FMNL3: variants seen among roughly 807,000 people sequenced by gnomAD.
FMNL3 encodes formin-like protein 3.
Under a neutral mutation model 119.6 loss-of-function variants are expected in FMNL3, and 57 were observed. The ratio of observed to expected loss-of-function variants is 0.48; its 90% CI spans 0.39 to 0.59. The LOEUF (loss-of-function observed/expected upper bound fraction) is 0.59, where lower values mean the gene tolerates loss of function less well. Among genes scored for constraint, FMNL3 ranks in the 20% least tolerant of loss-of-function variants. FMNL3 has a pLI of 0.00. For missense variants in FMNL3, 1,053 were observed against 1,323.5 expected, an observed-to-expected ratio of 0.80 and a Z score of 3.17; for synonymous variants, 491 against 507.3, an observed-to-expected ratio of 0.97 and a Z score of 0.43.
rs867919113 is a variant in FMNL3, at chr12:49,654,240, G to A, written c.1023C>T (p.Val341=). Residue 341 remains valine (V), a synonymous_variant, in exon 11 of 26, where the codon GTC becomes GTT. Transcript: ENST00000335154. ...VHSVEDMNFR[V]HLQYEFTKLG... ...GCTTGGTAAACTCATACTGCAGGTG[G>A]ACCCGGAAGTTCATGTCCTCCACCG... 1 of 1,614,128 alleles carries A rather than the reference G, an allele frequency of 6.2e-7. No homozygotes were observed. The highest frequency in any genetic ancestry group is 8.5e-7 in the Non-Finnish European group (1 of 1,180,030).
At position 49,643,291 on chromosome 12, in the gene FMNL3, C is replaced by A. The variant is rs750640824; in HGVS notation, c.*2524G>T. ...GGCCCCCCAAGCGGAGGAGGCGGAA[C>A]CCCTCAGAGTCAGGCTCTGAGCCCT... On this transcript the variant is annotated 3_prime_UTR_variant, in exon 26 of 26. Coordinates refer to ENST00000335154, the MANE Select transcript of FMNL3 (RefSeq NM_175736.5). The A allele has an allele frequency of 1.1e-5, 17 of 1,613,608 alleles. No homozygotes were observed. Among genetic ancestry groups the A allele is most frequent in the Non-Finnish European group, 1.4e-5 (17 of 1,179,874 alleles).
chr12:49,700,371 G>T (rs559659260), intron 1 of FMNL3, among the ~76,000 whole-genome samples: 1 of 130,866 alleles, frequency 7.6e-6, no homozygotes, highest in Non-Finnish European at 1.6e-5. Flanking sequence ...CAGCCTGGGC[G>T]ACAGAGTGAG....
chr12:49,684,339 C>T (rs1944407653), intron 1 of FMNL3, among the ~76,000 whole-genome samples: 1 of 152,156 alleles, frequency 6.6e-6, no homozygotes, highest in Non-Finnish European at 1.5e-5. Context: ...CGCCCTGCCA[C>T]AAAATAAGGC....
In FMNL3 at chr12:49,645,664, G is replaced by A. The variant is rs2138692727; in HGVS notation, c.*151C>T. 3.2e-6 allele frequency: 2 copies of A among 633,168 alleles called. No homozygotes were observed. The highest frequency in any genetic ancestry group is 5.3e-6 in the Non-Finnish European group (2 of 378,466). The allele number at this position is 633,168 out of a possible 1,614,324, so 39.2% of individuals were successfully genotyped here. Reference sequence around the variant, plus strand: ...GACCTACAGACCTAGTGCCCATAGTGGCACAAGTAGAAAGATCCAGCCTCA... The same window carrying A: ...GACCTACAGACCTAGTGCCCATAGTAGCACAAGTAGAAAGATCCAGCCTCA... On this transcript the variant is annotated 3_prime_UTR_variant, in exon 26 of 26. Transcript: ENST00000335154.
chr12:49,706,742 A>C (rs1399748142), intron 1 of FMNL3, among the ~76,000 whole-genome samples: 1 of 152,146 alleles, frequency 6.6e-6, no homozygotes, highest in Non-Finnish European at 1.5e-5. Flanking sequence ...CTGGCGAAGA[A>C]GCGGGGAAAC....
Position 49,642,813 on chromosome 12 carries a change from G to T in FMNL3, c.*3002C>A. Reference sequence around the variant, plus strand: ...GGAAGGGGAGGCCTGAGGATCCCTGGGATAGGCAGAAGGCTCTAGTCTGAG... The same window carrying T: ...GGAAGGGGAGGCCTGAGGATCCCTGTGATAGGCAGAAGGCTCTAGTCTGAG... On this transcript the variant is annotated 3_prime_UTR_variant, in exon 26 of 26. Transcript: ENST00000335154. The surrounding 1 kb of genome is among the most constrained non-coding windows in gnomAD (Gnocchi z 5.8). 7.0e-7 allele frequency: 1 copy of T among 1,428,608 alleles called. No homozygotes were observed. Among genetic ancestry groups the T allele is most frequent in the South Asian group, 1.2e-5 (1 of 80,562 alleles). The allele number at this position is 1,428,608 out of a possible 1,614,324, so 88.5% of individuals were successfully genotyped here.
At chr12:49,664,599 G>T (rs989481148) in intron 4 of FMNL3, among the ~76,000 whole-genome samples, 1 of 152,142 alleles carries the variant, frequency 6.6e-6, no homozygotes, top group Non-Finnish European at 1.5e-5. Context: ...GTCAGTGAAG[G>T]ACTGACCAAA....
At chr12:49,663,157 C>T (rs1204093690) in intron 4 of FMNL3, among the ~76,000 whole-genome samples, 1 of 152,228 alleles carries the variant, frequency 6.6e-6, no homozygotes, top group Admixed American at 6.5e-5. Flanking sequence ...TGGGGGCCAA[C>T]AGGCCTCCCG....
chr12:49,695,243 T>C (rs1944720815), intron 1 of FMNL3, among the ~76,000 whole-genome samples: 1 of 152,154 alleles, frequency 6.6e-6, no homozygotes, highest in Admixed American at 6.5e-5. Context: ...TCATGGTTCC[T>C]CCCCTAACCC....
chr12:49,677,308 C>A lies in FMNL3; in HGVS notation c.127-8754G>T, dbSNP rs908570971. 4.6e-5 allele frequency among the ~76,000 whole-genome samples: 7 copies of A among 152,162 alleles called. No homozygotes were observed. The South Asian group carries it at 6.2e-4, about 14-fold the overall frequency. On this transcript the variant is annotated intron_variant, in intron 1 of 25. Coordinates refer to ENST00000335154, the MANE Select transcript of FMNL3 (RefSeq NM_175736.5). Reference sequence around the variant, plus strand: ...ATATGTTTATCATAAATCTCAGTGACCCTCCTAGAGGCACACATACAATGT... The same window carrying A: ...ATATGTTTATCATAAATCTCAGTGAACCTCCTAGAGGCACACATACAATGT...
rs1397888048 is a variant in FMNL3, at chr12:49,649,994, C to T, written c.2001-69G>A. 10 of 1,379,876 alleles carry T rather than the reference C, an allele frequency of 7.2e-6. No homozygotes were observed. The highest frequency in any genetic ancestry group is 4.3e-5 in the African/African-American group (3 of 69,886). The allele number at this position is 1,379,876 out of a possible 1,614,324, so 85.5% of individuals were successfully genotyped here. On this transcript the variant is annotated intron_variant, in intron 17 of 25. Transcript: ENST00000335154. The surrounding 1 kb of genome is among the most constrained non-coding windows in gnomAD (Gnocchi z 5.6). The stretch of plus-strand genomic sequence containing the variant: ...CGTTTTCCCTCATCCCTTTTATTCT[C>T]CAAGCTCCTAGAAGAACTGGACAGG...
At position 49,643,999 on chromosome 12, in the gene FMNL3, G is replaced by C; in HGVS notation, c.*1816C>G. ...TTCCCCAGGCTTTGGAATCAAGAAG[G>C]AGAAGGTGAGGGGCAGGGGCCCTAG... On this transcript the variant is annotated 3_prime_UTR_variant, in exon 26 of 26. Transcript: ENST00000335154. 6.2e-7 allele frequency: 1 copy of C among 1,614,014 alleles called. No individual in the cohort carries two copies. The highest frequency in any genetic ancestry group is 8.5e-7 in the Non-Finnish European group (1 of 1,180,018).
At chr12:49,653,973 C>T in intron 11 of FMNL3, 99 bp from the exon 12 acceptor site, 1 of 1,466,672 alleles carries the variant, frequency 6.8e-7, no homozygotes, top group Non-Finnish European at 9.1e-7. Context: ...TTCGCCACCA[C>T]TTCCCAAAGA....
intron 9 of FMNL3, 133 bp downstream of exon 9, chr12:49,656,271 G>A: frequency 1.6e-6 from 1 of 643,330 alleles, no homozygotes; most frequent in East Asian, 2.9e-5. Context: ...GGGAGTTCAG[G>A]AGAGAGGCTG....
At chr12:49,699,913 T>C (rs1452961511) in intron 1 of FMNL3, among the ~76,000 whole-genome samples, 1 of 152,234 alleles carries the variant, frequency 6.6e-6, no homozygotes, top group Admixed American at 6.5e-5. Flanking sequence ...TAGACACATA[T>C]ACTATCAGTG....
Position 49,636,920 on chromosome 12 carries a change from GC to G in FMNL3, c.*8894del, listed in dbSNP as rs1941893109. ...AGCACAACCTCTTCACCCATTCCCT[GC>G]CCCCTTCTGGATACGCTGCCTGTTC... On this transcript the variant is annotated 3_prime_UTR_variant, in exon 26 of 26. Transcript: ENST00000335154. 5 of 1,601,956 alleles carry G rather than the reference GC, an allele frequency of 3.1e-6. No individual in the cohort carries two copies. Among genetic ancestry groups the G allele is most frequent in the South Asian group, 1.1e-5 (1 of 90,548 alleles).
intron 4 of FMNL3, among the ~76,000 whole-genome samples, chr12:49,663,086 A>T (rs7960185): frequency 0.018 from 2,715 of 152,286 alleles, 73 homozygotes; most frequent in African/African-American, 0.057. Flanking sequence ...AGCTGAGATT[A>T]GGCAGCAGGC....
rs1943874095 is a variant in FMNL3, at chr12:49,665,779, C to T, written c.368+53G>A. On this transcript the variant is annotated intron_variant, in intron 4 of 25. Transcript: ENST00000335154. ...TCAGAGGACACCAGACCCTGTGTGC[C>T]CAGCCAGCAGCCTGGGGCCAGATGA... is the stretch of plus-strand genomic sequence containing the variant. The T allele has an allele frequency of 5.7e-6, 9 of 1,584,598 alleles. No homozygotes were observed. The South Asian group carries it at 1.0e-4, about 18-fold the overall frequency.
chr12:49,688,061 C>T (rs949115271), intron 1 of FMNL3, among the ~76,000 whole-genome samples: 2 of 152,226 alleles, frequency 1.3e-5, no homozygotes, highest in African/African-American at 4.8e-5. Context: ...AGTTATAGGT[C>T]ACACTTTTTA....
Sources: gnomAD v4.1 joint callset for allele counts (sites outside exome capture counted in the v4.1 genomes callset) on GRCh38, gnomAD v4.1.1 for gene constraint, Gnocchi (gnomAD v3.1) non-coding constraint, MANE v1.5 for transcripts, NCBI Gene and HGNC (gene_info 2026-07-23, HGNC 2026-07-21) for gene names.